Variants in ZNF454 observed in about 807,000 individuals in gnomAD.
ZNF454 encodes zinc finger protein 454.
ZNF454 carries 30 observed loss-of-function variants against 48.2 expected under a neutral mutation model. That is an observed-to-expected ratio of 0.62 (90% CI 0.47 to 0.84). The LOEUF (loss-of-function observed/expected upper bound fraction) is 0.84, where lower values mean the gene tolerates loss of function less well. ZNF454 is among the 40% of genes least tolerant of loss of function. The probability of loss-of-function intolerance (pLI) is 0.00; values close to 1 mark genes in which losing one functional copy is unlikely to be tolerated. For missense variants in ZNF454, 510 were observed against 623.1 expected, an observed-to-expected ratio of 0.82 and a Z score of 1.93; for synonymous variants, 204 against 211.4, an observed-to-expected ratio of 0.97 and a Z score of 0.30.
Position 178,946,074 on chromosome 5 carries a change from G to A in ZNF454, c.34-285G>A, listed in dbSNP as rs545199228. ...CAGGGCTAGGCGGTTTGAGGGAGAT[G>A]GAGAAAATGTTCTGGGCTAAATGAA... On this transcript the variant is annotated intron_variant, in intron 2 of 4. Coordinates refer to ENST00000519564, the MANE Select transcript of ZNF454 (RefSeq NM_001178089.3). The surrounding 1 kb of genome is among the most constrained non-coding windows in gnomAD (Gnocchi z 4.5). Among the ~76,000 whole-genome samples the A allele has an allele frequency of 1.3e-5, 2 of 152,130 alleles. No homozygotes were observed. Among genetic ancestry groups the A allele is most frequent in the South Asian group, 4.1e-4 (2 of 4,822 alleles).
At position 178,942,465 on chromosome 5, in the gene ZNF454, C is replaced by T. The variant is rs571820178; in HGVS notation, c.-107-220C>T. On this transcript the variant is annotated intron_variant, in intron 1 of 4. Transcript: ENST00000519564. ...CGCTCAGTGAGGCTGAAGGGAAAGA[C>T]CAGAGGGTGGGTGGAAGGCATGAGA... The T allele has an allele frequency of 4.7e-5, 14 of 299,616 alleles. No homozygotes were observed. In the South Asian group the frequency reaches 1.3e-3, roughly 29 times the overall value. 18.6% of individuals were successfully genotyped at this position (299,616 alleles called of 1,614,324 possible). A position where few individuals can be genotyped will look rare whatever the true frequency, so the allele number is the denominator to read the frequency against.
downstream of ZNF454, among the ~76,000 whole-genome samples, chr5:178,966,605 T>C (rs1022145199): frequency 3.3e-5 from 5 of 152,086 alleles, no homozygotes; most frequent in African/African-American, 1.2e-4. Flanking sequence ...TTAGAGAAAC[T>C]GAAATTGTAA....
At chr5:178,975,997 T>G in the ZNF454 span, 3 of 380,106 alleles carry the variant, frequency 7.9e-6, no homozygotes, top group Non-Finnish European at 1.6e-5. Flanking sequence ...TCCACTCTGC[T>G]GCCTTCCTCA....
the ZNF454 span, chr5:178,987,188 G>A: frequency 1.4e-6 from 1 of 697,312 alleles, no homozygotes; most frequent in Non-Finnish European, 2.6e-6. Flanking sequence ...CGAGTGTTGT[G>A]AGCGTGTGGA....
intron 4 of ZNF454, 107 bp from the exon 5 acceptor site, chr5:178,964,548 T>C: frequency 1.1e-6 from 1 of 906,518 alleles, no homozygotes; most frequent in Non-Finnish European, 1.7e-6. Context: ...CAGAAAATCT[T>C]CAAACTTGAA....
At chr5:178,987,057 C>A in the ZNF454 span, 13 of 1,479,220 alleles carry the variant, frequency 8.8e-6, no homozygotes, top group Middle Eastern at 1.7e-4. Context: ...GCCCCAGGGA[C>A]CAGCAGGAGA....
At chr5:178,977,333 C>T in the ZNF454 span, 1 of 442,176 alleles carries the variant, frequency 2.3e-6, no homozygotes, top group South Asian at 1.6e-5. Flanking sequence ...CCCCAGGGTG[C>T]CCTCACACTT....
the ZNF454 span, among the ~76,000 whole-genome samples, chr5:178,977,115 T>C: frequency 1.3e-5 from 2 of 152,038 alleles, no homozygotes; most frequent in Non-Finnish European, 2.9e-5. Flanking sequence ...TAATACTATG[T>C]AGGATGAATA....
At chr5:178,942,902 C>G in intron 2 of ZNF454, 78 bp downstream of exon 2, 1 of 1,525,228 alleles carries the variant, frequency 6.6e-7, no homozygotes. Flanking sequence ...AGACCGGGAG[C>G]TTTATTCCCA....
Position 178,946,934 on chromosome 5 carries a change from A to G in ZNF454, c.198A>G (p.Leu66=), listed in dbSNP as rs1377252608. ...LGPKPDTFSQ[L]EKREVWMPED... The stretch of plus-strand genomic sequence containing the variant: ...CCAAACCAGATACGTTTTCCCAGCT[A>G]GAAAAAAGGGAAGTGTGGATGCCAG... Residue 66 remains leucine, a synonymous_variant, in exon 4 of 5, where the codon CTA becomes CTG. Transcript: ENST00000519564. The surrounding 1 kb of genome is among the most constrained non-coding windows in gnomAD (Gnocchi z 4.5). 6.2e-7 allele frequency: 1 copy of G among 1,614,082 alleles called. No homozygotes were observed.
the ZNF454 span, chr5:178,987,266 C>G: frequency 1.7e-6 from 1 of 595,262 alleles, no homozygotes; most frequent in Non-Finnish European, 3.2e-6. Context: ...AGTGTGGAGC[C>G]TCCTCAAAAG....
intron 2 of ZNF454, among the ~76,000 whole-genome samples, chr5:178,945,082 T>TG (rs757839402): frequency 1.1e-3 from 104 of 91,706 alleles, no homozygotes; most frequent in East Asian, 3.1e-3. Context: ...GGGGTATTTG[T>TG]GGGGGGGTGT....
At chr5:178,973,428 A>G in the ZNF454 span, among the ~76,000 whole-genome samples, 1 of 152,182 alleles carries the variant, frequency 6.6e-6, no homozygotes, top group Non-Finnish European at 1.5e-5. Context: ...TGAAGAAGAA[A>G]TTCCAAAGTT....
chr5:178,978,307 A>G, the ZNF454 span: 27 of 152,366 alleles, frequency 1.8e-4, no homozygotes, highest in African/African-American at 6.3e-4. Context: ...TAAAGAAGCA[A>G]CCGAAGACCT....
intron 4 of ZNF454, among the ~76,000 whole-genome samples, chr5:178,959,628 CGGAGTCTCGCT>C (rs1759916220): frequency 6.6e-6 from 1 of 151,654 alleles, no homozygotes; most frequent in African/African-American, 2.4e-5. Flanking sequence ...TTTTTTGAGA[CGGAGTCTCGCT>C]CTGTTGCCCA....
intron 4 of ZNF454, among the ~76,000 whole-genome samples, chr5:178,952,163 G>C (rs569668639): frequency 1.0e-3 from 151 of 151,110 alleles, no homozygotes; most frequent in African/African-American, 3.6e-3. Flanking sequence ...TCAGCCTCCC[G>C]AGTAGCTGGG....
the ZNF454 span, among the ~76,000 whole-genome samples, chr5:178,976,611 C>T: frequency 3.4e-4 from 52 of 152,230 alleles, no homozygotes; most frequent in African/African-American, 1.1e-3. Flanking sequence ...AATTTGGGCA[C>T]CTCTGCAGGG....
chr5:178,952,720 T>C (rs534613735), intron 4 of ZNF454, among the ~76,000 whole-genome samples: 1 of 150,802 alleles, frequency 6.6e-6, no homozygotes, highest in East Asian at 2.0e-4. Flanking sequence ...ATTTGTTGAA[T>C]AAGTTAATTT....
chr5:178,983,017 C>CG, the ZNF454 span: 1 of 1,614,100 alleles, frequency 6.2e-7, no homozygotes, highest in Non-Finnish European at 8.5e-7. Flanking sequence ...TTGAAGGTCT[C>CG]GGGCACGCCA....
Sources: allele counts gnomAD v4.1 joint callset (sites outside exome capture counted in the v4.1 genomes callset), GRCh38; gene constraint gnomAD v4.1.1; non-coding constraint Gnocchi (gnomAD v3.1); transcripts MANE v1.5; gene names NCBI Gene and HGNC (gene_info 2026-07-23, HGNC 2026-07-21).